RPS6KA2: variants seen among roughly 807,000 people sequenced by gnomAD.
The protein encoded by RPS6KA2 is ribosomal protein S6 kinase alpha-2.
RPS6KA2 carries 42 observed loss-of-function variants against 91.8 expected under a neutral mutation model. The observed-to-expected ratio is 0.46, with a 90% CI of 0.36 to 0.59. RPS6KA2 has a LOEUF of 0.59. RPS6KA2 is among the 20% of genes least tolerant of loss of function. The pLI is 0.00. For missense variants in RPS6KA2, 798 were observed against 978.5 expected (o/e 0.82, Z 2.46); for synonymous variants, 414 against 393.6 (o/e 1.05, Z -0.61).
intron 14 of RPS6KA2, among the ~76,000 whole-genome samples, chr6:166,442,972 C>T (rs1047130206): frequency 3.3e-5 from 5 of 152,146 alleles, no homozygotes; most frequent in African/African-American, 9.7e-5. Context: ...CTTTTGACTT[C>T]GCCAAAACCT....
chr6:166,807,813 TC>T (rs1779529606), intron 2 of RPS6KA2, among the ~76,000 whole-genome samples: 1 of 152,020 alleles, frequency 6.6e-6, no homozygotes, highest in Non-Finnish European at 1.5e-5. Flanking sequence ...CGTAAGGCCT[TC>T]CCTCAACACC....
chr6:166,632,796 C>T (rs1447244836), intron 2 of RPS6KA2, among the ~76,000 whole-genome samples: 2 of 152,028 alleles, frequency 1.3e-5, no homozygotes, highest in Non-Finnish European at 2.9e-5. Context: ...ACTGGGAGCC[C>T]GAGCTTAGTG....
At chr6:166,686,623 G>A (rs1789026949) in intron 2 of RPS6KA2, among the ~76,000 whole-genome samples, 1 of 152,138 alleles carries the variant, frequency 6.6e-6, no homozygotes, top group African/African-American at 2.4e-5. Context: ...ACCCCTCACT[G>A]GCTCACTTCT....
intron 1 of RPS6KA2, among the ~76,000 whole-genome samples, chr6:166,602,189 G>A (rs1168603515): frequency 6.6e-6 from 1 of 152,236 alleles, no homozygotes; most frequent in East Asian, 1.9e-4. Flanking sequence ...GATGGGCTGC[G>A]ACTCAGTGCC....
At chr6:166,819,507 T>A (rs1779850133) in intron 2 of RPS6KA2, among the ~76,000 whole-genome samples, 1 of 152,136 alleles carries the variant, frequency 6.6e-6, no homozygotes, top group African/African-American at 2.4e-5. Flanking sequence ...GGGTTTTGCA[T>A]CCCGCAAGTA....
intron 2 of RPS6KA2, among the ~76,000 whole-genome samples, chr6:166,772,246 A>AC (rs1778494180): frequency 7.6e-6 from 1 of 132,266 alleles, no homozygotes; most frequent in African/African-American, 2.8e-5. Context: ...GAATGACCCC[A>AC]CCCCCCAGCC....
chr6:166,502,880 C>A (rs944924635), intron 6 of RPS6KA2, among the ~76,000 whole-genome samples: 3 of 152,154 alleles, frequency 2.0e-5, no homozygotes, highest in African/African-American at 4.8e-5. Flanking sequence ...TGGATAAAGT[C>A]TTTTTTGATT....
At position 166,825,236 on chromosome 6, in the gene RPS6KA2, A is replaced by AT. The variant is rs1780023302; in HGVS notation, c.123+32963dup. On this transcript the variant is annotated intron_variant, in intron 2 of 21. Transcript: ENST00000503859. The surrounding 1 kb of genome is among the most constrained non-coding windows in gnomAD (Gnocchi z 4.1). Reference sequence around the variant, plus strand: ...TGAGGGGAGGGGGCAAAGGGGAGTGATCCCATGAGTCCCGAGAATAAAAGG... The same window carrying AT: ...TGAGGGGAGGGGGCAAAGGGGAGTGATTCCCATGAGTCCCGAGAATAAAAGG... Among the ~76,000 whole-genome samples the AT allele has an allele frequency of 6.6e-6, 1 of 152,226 alleles. No homozygotes were observed. Among genetic ancestry groups the AT allele is most frequent in the Non-Finnish European group, 1.5e-5 (1 of 68,034 alleles).
chr6:166,475,597 C>T lies in RPS6KA2; in HGVS notation c.908-5692G>A, dbSNP rs141562308. 1.1e-3 allele frequency: 327 copies of T among 302,944 alleles called. 1 individual carries two copies. Among genetic ancestry groups the T allele is most frequent in the African/African-American group, 6.3e-3 (288 of 45,836 alleles). The allele number at this position is 302,944 out of a possible 1,614,324, so 18.8% of individuals were successfully genotyped here. A position where few individuals can be genotyped will look rare whatever the true frequency, so the allele number is the denominator to read the frequency against. ...ACTCAAATAGATCAGTGGCCCCAAA[C>T]CAGTGGCCTCTGGAGGTCAGTGGCA... On this transcript the variant is annotated intron_variant, in intron 10 of 20. Coordinates refer to ENST00000265678, the MANE Select transcript of RPS6KA2 (RefSeq NM_021135.6).
At chr6:166,653,660 G>A (rs960024271) in intron 2 of RPS6KA2, among the ~76,000 whole-genome samples, 1 of 152,130 alleles carries the variant, frequency 6.6e-6, no homozygotes, top group African/African-American at 2.4e-5. Flanking sequence ...GTGACTCCTG[G>A]TTTATCTCAT....
chr6:166,604,820 G>A (rs865959709), intron 1 of RPS6KA2, among the ~76,000 whole-genome samples: 1 of 152,170 alleles, frequency 6.6e-6, no homozygotes. Flanking sequence ...GGCTCTGTGC[G>A]CCAGTGCCAC....
At chr6:166,457,681 G>A (rs571883442) in intron 12 of RPS6KA2, among the ~76,000 whole-genome samples, 3 of 152,238 alleles carry the variant, frequency 2.0e-5, no homozygotes, top group Admixed American at 6.5e-5. Flanking sequence ...CCTGGGTCAG[G>A]AGCTGGCCTA....
chr6:166,541,624 C>T (rs1314328431), intron 1 of RPS6KA2, among the ~76,000 whole-genome samples: 3 of 152,214 alleles, frequency 2.0e-5, no homozygotes, highest in East Asian at 1.9e-4. Context: ...GCTGGCTTCA[C>T]GCCTTCCTCA....
chr6:166,761,393 C>T (rs752700788), intron 2 of RPS6KA2, among the ~76,000 whole-genome samples: 1 of 152,210 alleles, frequency 6.6e-6, no homozygotes, highest in Non-Finnish European at 1.5e-5. Context: ...TCTTGGCTTA[C>T]TCATCTACCA....
upstream of RPS6KA2, among the ~76,000 whole-genome samples, chr6:166,630,630 C>G (rs912267808): frequency 2.0e-5 from 3 of 152,202 alleles, no homozygotes; most frequent in African/African-American, 7.2e-5. Flanking sequence ...TCACAGGCAT[C>G]CTGCTGGATG....
intron 11 of RPS6KA2, chr6:166,460,909 C>G (rs1780258274): frequency 6.6e-6 from 1 of 152,282 alleles, no homozygotes; most frequent in African/African-American, 2.4e-5. Flanking sequence ...TCAACACCTC[C>G]TCCGATGAGG....
chr6:166,689,811 G>A (rs1789148055), intron 2 of RPS6KA2, among the ~76,000 whole-genome samples: 1 of 152,252 alleles, frequency 6.6e-6, no homozygotes, highest in Non-Finnish European at 1.5e-5. Flanking sequence ...GTGCCCATGA[G>A]GGTTCTGCTC....
chr6:166,856,053 G>A lies in RPS6KA2; in HGVS notation c.123+2147C>T, dbSNP rs574104958. On this transcript the variant is annotated intron_variant, in intron 2 of 21. Coordinates refer to the RPS6KA2 transcript ENST00000503859. ...TTTCCACCAAAAATGTAGAGAACAC[G>A]ACAACTTGAGACTAGGAGCTCTTAA... Among the ~76,000 whole-genome samples the A allele has an allele frequency of 5.9e-5, 9 of 152,254 alleles. No homozygotes were observed. In the South Asian group the frequency reaches 6.2e-4, roughly 11 times the overall value.
rs76928068 is a variant in RPS6KA2, at chr6:166,673,217, C to T, written c.124-134433G>A. ...TAGCGCTCTGAGCCACCCTCCTCCA[C>T]GTGCACACAGACCCAGGAAGGCCTC... On this transcript the variant is annotated intron_variant, in intron 2 of 21. Coordinates refer to the RPS6KA2 transcript ENST00000503859. Among the ~76,000 whole-genome samples, 736 of 152,346 alleles carry T rather than the reference C, an allele frequency of 4.8e-3. 3 individuals are homozygous for T. Among genetic ancestry groups the T allele is most frequent in the South Asian group, 0.022 (108 of 4,834 alleles).
Sources: gnomAD v4.1 joint callset for allele counts (sites outside exome capture counted in the v4.1 genomes callset) on GRCh38, gnomAD v4.1.1 for gene constraint, Gnocchi (gnomAD v3.1) non-coding constraint, MANE v1.5 for transcripts, NCBI Gene and HGNC (gene_info 2026-07-23, HGNC 2026-07-21) for gene names.